LOC400499: variants seen among roughly 807,000 people sequenced by gnomAD.
At chr16:11,454,443 T>G in the LOC400499 span, among the ~76,000 whole-genome samples, 2 of 152,152 alleles carry the variant, frequency 1.3e-5, no homozygotes, top group African/African-American at 2.4e-5. Context: ...CTTAACCCAA[T>G]AGAACTGATG....
the LOC400499 span, chr16:11,449,165 G>C: frequency 7.6e-7 from 1 of 1,313,942 alleles, no homozygotes; most frequent in South Asian, 2.0e-5. Context: ...CCTCCACCTG[G>C]GATACCCTTT....
the LOC400499 span, among the ~76,000 whole-genome samples, chr16:11,509,285 T>C: frequency 6.6e-6 from 1 of 151,002 alleles, no homozygotes; most frequent in Admixed American, 6.6e-5. Flanking sequence ...GCCCGGCTAA[T>C]TTTTTTGTAT....
At chr16:11,396,355 G>C in the LOC400499 span, 3 of 706,620 alleles carry the variant, frequency 4.2e-6, no homozygotes, top group Middle Eastern at 1.4e-3. Flanking sequence ...CCAGAATGAA[G>C]CTCTGGCCCC....
chr16:11,482,032 A>G, the LOC400499 span, among the ~76,000 whole-genome samples: 62 of 152,340 alleles, frequency 4.1e-4, 1 homozygote, highest in East Asian at 0.01. Flanking sequence ...AAAGTTTACA[A>G]AAGGAACTGG....
chr16:11,460,000 T>C, the LOC400499 span: 4 of 1,506,880 alleles, frequency 2.7e-6, no homozygotes, highest in East Asian at 7.5e-5. Context: ...TTCCCGTAGC[T>C]CACCTCCAGC....
At chr16:11,468,046 G>T in the LOC400499 span, among the ~76,000 whole-genome samples, 1 of 152,052 alleles carries the variant, frequency 6.6e-6, no homozygotes, top group African/African-American at 2.4e-5. Flanking sequence ...GAATCCAGGA[G>T]CGAGACCTAG....
chr16:11,387,169 G>C, the LOC400499 span: 37 of 1,232,096 alleles, frequency 3.0e-5, no homozygotes, highest in Non-Finnish European at 3.7e-5. Context: ...CCAGCACGTT[G>C]GCCCCAGACA....
At chr16:11,457,190 A>C in the LOC400499 span, 5 of 668,756 alleles carry the variant, frequency 7.5e-6, no homozygotes, top group East Asian at 2.9e-5. Flanking sequence ...AAAAAACAAA[A>C]AACAAGGAGC....
the LOC400499 span, among the ~76,000 whole-genome samples, chr16:11,373,725 T>C: frequency 6.6e-6 from 1 of 152,164 alleles, no homozygotes; most frequent in Non-Finnish European, 1.5e-5. Context: ...GTTCAAGTGA[T>C]TCTCTTGCCT....
the LOC400499 span, chr16:11,390,030 G>A: frequency 6.3e-6 from 6 of 958,472 alleles, no homozygotes; most frequent in Non-Finnish European, 6.8e-6. Flanking sequence ...TGTGTCGGAA[G>A]GTGTCAAAGC....
At chr16:11,505,832 G>A in the LOC400499 span, among the ~76,000 whole-genome samples, 10 of 151,978 alleles carry the variant, frequency 6.6e-5, no homozygotes, top group Non-Finnish European at 1.3e-4. Flanking sequence ...ATCAAATCAG[G>A]ATAATTGCGA....
the LOC400499 span, among the ~76,000 whole-genome samples, chr16:11,413,349 T>C: frequency 6.6e-6 from 1 of 152,170 alleles, no homozygotes; most frequent in East Asian, 1.9e-4. Context: ...CCTGGCCCCC[T>C]GACCCCCTGG....
At chr16:11,472,177 C>T in the LOC400499 span, 1 of 190,442 alleles carries the variant, frequency 5.3e-6, no homozygotes, top group African/African-American at 2.3e-5. Flanking sequence ...CAGCTGAGAA[C>T]CCCTGGTAGA....
the LOC400499 span, among the ~76,000 whole-genome samples, chr16:11,502,340 G>T: frequency 1.3e-5 from 2 of 152,162 alleles, no homozygotes; most frequent in Non-Finnish European, 2.9e-5. Flanking sequence ...TGAAGCTCCA[G>T]GTCTGGCTTC....
At chr16:11,514,218 CTGA>C in the LOC400499 span, 10 of 397,398 alleles carry the variant, frequency 2.5e-5, no homozygotes, top group South Asian at 1.4e-4. Context: ...GCTAACTCTC[CTGA>C]TGATAACCAT....
the LOC400499 span, among the ~76,000 whole-genome samples, chr16:11,504,575 G>A: frequency 6.6e-6 from 1 of 151,758 alleles, no homozygotes; most frequent in East Asian, 1.9e-4. Flanking sequence ...AAAAAAGACG[G>A]ATACGTAGGT....
the LOC400499 span, among the ~76,000 whole-genome samples, chr16:11,455,356 G>C: frequency 6.6e-6 from 1 of 152,034 alleles, no homozygotes; most frequent in African/African-American, 2.4e-5. Flanking sequence ...AGAAATAACA[G>C]CATGATTATA....
chr16:11,485,129 T>C, the LOC400499 span: 70 of 398,352 alleles, frequency 1.8e-4, no homozygotes, highest in Non-Finnish European at 2.4e-4. Context: ...GGGGTGATGA[T>C]GAGCTGTTAG....
the LOC400499 span, chr16:11,478,568 G>A: frequency 5.0e-6 from 2 of 399,056 alleles, no homozygotes; most frequent in South Asian, 1.3e-4. Flanking sequence ...AAGTTAAGGG[G>A]CCAGTGGTTC....
Sources: allele counts gnomAD v4.1 joint callset (sites outside exome capture counted in the v4.1 genomes callset), GRCh38; gene constraint gnomAD v4.1.1; transcripts MANE v1.5.